The following KIAA2012 variants were observed in gnomAD, a reference collection of about 807,000 sequenced individuals.
KIAA2012 encodes KIAA2012, also known as uncharacterized protein KIAA2012.
A neutral mutation model predicts 150.6 loss-of-function variants in KIAA2012; 125 were observed. That is an observed-to-expected ratio of 0.83 (90% confidence interval 0.72 to 0.96). The LOEUF (loss-of-function observed/expected upper bound fraction) is 0.96. Among genes scored for constraint, KIAA2012 ranks in the 40% least tolerant of loss-of-function variants. The pLI is 0.00. For synonymous variants in KIAA2012, 462 were observed against 504.7 expected, an observed-to-expected ratio of 0.92 and a Z score of 1.13; for missense variants, 1,219 against 1,354.9, an observed-to-expected ratio of 0.90 and a Z score of 1.57.
intron 11 of KIAA2012, chr2:202,116,030 A>C (rs956282719): frequency 2.0e-5 from 3 of 152,212 alleles, no homozygotes; most frequent in Non-Finnish European, 2.9e-5. Context: ...TTAGAAGGAT[A>C]CATGTCAAAC....
intron 3 of KIAA2012, 48 bp downstream of exon 3, chr2:202,090,977 C>A: frequency 6.6e-7 from 1 of 1,504,120 alleles, no homozygotes; most frequent in Non-Finnish European, 8.9e-7. Context: ...GCCCCACCTC[C>A]CATTCTGGTG....
intron 21 of KIAA2012, among the ~76,000 whole-genome samples, chr2:202,194,814 G>C (rs1225555177): frequency 6.6e-6 from 1 of 152,056 alleles, no homozygotes; most frequent in East Asian, 1.9e-4. Context: ...TATTGCCTGG[G>C]CTGGAGTGCA....
intron 18 of KIAA2012, among the ~76,000 whole-genome samples, chr2:202,189,062 T>C (rs1241073123): frequency 6.6e-6 from 1 of 152,180 alleles, no homozygotes; most frequent in East Asian, 1.9e-4. Flanking sequence ...AATTTACATT[T>C]TTGTAGCCCA....
chr2:202,130,642 C>G (rs1690909235), intron 12 of KIAA2012, among the ~76,000 whole-genome samples: 1 of 152,196 alleles, frequency 6.6e-6, no homozygotes, highest in South Asian at 2.1e-4. Context: ...TAAGGCCAGT[C>G]GCAGTGACTC....
chr2:202,155,984 T>C (rs1691517874), intron 14 of KIAA2012, among the ~76,000 whole-genome samples: 1 of 152,106 alleles, frequency 6.6e-6, no homozygotes, highest in Non-Finnish European at 1.5e-5. Flanking sequence ...TGAAATGCCA[T>C]TGGCCCACCC....
At chr2:202,086,588 G>A (rs991115546) in intron 2 of KIAA2012, among the ~76,000 whole-genome samples, 10 of 152,194 alleles carry the variant, frequency 6.6e-5, no homozygotes, top group Non-Finnish European at 1.3e-4. Context: ...TTTCTAGGCT[G>A]TTTTTGCACT....
intron 13 of KIAA2012, among the ~76,000 whole-genome samples, chr2:202,143,490 G>GA (rs199735369): frequency 0.02 from 2,920 of 148,940 alleles, 93 homozygotes; most frequent in African/African-American, 0.067. Flanking sequence ...AATAATGCAT[G>GA]AAAAAAGTGC....
chr2:202,194,709 CTGATGTG>C (rs1347095958), intron 21 of KIAA2012, among the ~76,000 whole-genome samples: 1 of 152,130 alleles, frequency 6.6e-6, no homozygotes, highest in African/African-American at 2.4e-5. Flanking sequence ...CTTTCAGGTG[CTGATGTG>C]TGGAATCTTG....
intron 21 of KIAA2012, among the ~76,000 whole-genome samples, chr2:202,195,599 G>A (rs1291962065): frequency 1.3e-5 from 2 of 151,816 alleles, no homozygotes; most frequent in Non-Finnish European, 2.9e-5. Flanking sequence ...GTTGCCTACA[G>A]TGCTATAGAA....
In KIAA2012 at chr2:202,112,973, C is replaced by G. The variant is rs1690411366; in HGVS notation, c.1652-363C>G. 2.0e-5 allele frequency among the ~76,000 whole-genome samples: 3 copies of G among 152,080 alleles called. No homozygotes were observed. The South Asian group carries it at 6.2e-4, about 32-fold the overall frequency. ...ACAGCAGAGGCAGGAAGCAGGAAGC[C>G]CTGTTCTCAGGGGCTGGGCTGCATA... On this transcript the variant is annotated intron_variant, in intron 10 of 23. Coordinates refer to ENST00000498697, the MANE Select transcript of KIAA2012 (RefSeq NM_001277372.4).
At chr2:202,092,066 C>T (rs1211158059) in intron 3 of KIAA2012, among the ~76,000 whole-genome samples, 2 of 152,194 alleles carry the variant, frequency 1.3e-5, no homozygotes, top group African/African-American at 2.4e-5. Context: ...GGCCATTCTC[C>T]TATAGCCTAG....
chr2:202,193,402 G>A lies in KIAA2012; in HGVS notation c.2913G>A (p.Glu971=). Residue 971 remains glutamate (E), a synonymous_variant, in exon 20 of 24, where the codon GAG becomes GAA. Transcript: ENST00000498697. ...RWLEVEKKRR[E]QEEQRQLQQE... is the part of the protein sequence containing the mutation. ...TGGAGGTGGAGAAGAAGAGAAGGGA[G>A]CAGGAAGAGCAAAGGCAGCTCCAGC... The A allele has an allele frequency of 1.3e-6, 2 of 1,550,384 alleles. No homozygotes were observed. The highest frequency in any genetic ancestry group is 1.7e-6 in the Non-Finnish European group (2 of 1,146,840).
chr2:202,140,200 C>A (rs976494104), intron 13 of KIAA2012, among the ~76,000 whole-genome samples: 2 of 152,134 alleles, frequency 1.3e-5, no homozygotes, highest in Non-Finnish European at 2.9e-5. Context: ...TGCACTCCAG[C>A]CTGGGCAACA....
intron 13 of KIAA2012, among the ~76,000 whole-genome samples, chr2:202,142,870 G>A (rs750612671): frequency 1.5e-4 from 22 of 151,700 alleles, no homozygotes; most frequent in Admixed American, 4.0e-4. Context: ...TAATACTAAT[G>A]TTTAACTAAC....
rs200537175 is a variant in KIAA2012 at position 202,109,640 on chromosome 2, C to T, written c.1502C>T (p.Ala501Val). The change falls in exon 10 of 24, where the codon GCC (alanine) becomes GTC (valine). Residue 501 changes from alanine to valine, a missense_variant. Transcript: ENST00000498697. Reference sequence around the variant, plus strand: ...GATGATGCCCCACCTCACGATGTGGCCCCACCATTGGATCTTCTACCCCCG... The same window carrying T: ...GATGATGCCCCACCTCACGATGTGGTCCCACCATTGGATCTTCTACCCCCG... ...QDDDAPPHDV[A>V]PPLDLLPPIK... is the part of the protein sequence containing the mutation. 2,697 of 1,545,458 alleles carry T rather than the reference C, an allele frequency of 1.7e-3. 14 individuals carry two copies. Among genetic ancestry groups the T allele is most frequent in the Non-Finnish European group, 2.0e-3 (2,331 of 1,145,316 alleles).
At chr2:202,193,591 G>A in intron 20 of KIAA2012, 88 bp downstream of exon 20, 3 of 1,332,618 alleles carry the variant, frequency 2.3e-6, no homozygotes, top group Non-Finnish European at 3.1e-6. Context: ...GCAATGTTTG[G>A]TTCTGAGGCT....
At chr2:202,169,563 A>G (rs1232405774) in intron 15 of KIAA2012, among the ~76,000 whole-genome samples, 2 of 152,200 alleles carry the variant, frequency 1.3e-5, no homozygotes, top group Non-Finnish European at 2.9e-5. Flanking sequence ...CATTAACCTG[A>G]TAAGGCTGGT....
At chr2:202,133,224 A>G (rs906675430) in intron 12 of KIAA2012, among the ~76,000 whole-genome samples, 6 of 145,098 alleles carry the variant, frequency 4.1e-5, no homozygotes, top group Admixed American at 2.8e-4. Flanking sequence ...TTTCTGAATT[A>G]CTTTCCTCCA....
intron 9 of KIAA2012, among the ~76,000 whole-genome samples, chr2:202,107,676 G>T (rs1690233343): frequency 6.6e-6 from 1 of 152,190 alleles, no homozygotes; most frequent in Middle Eastern, 3.4e-3. Flanking sequence ...TTATGCATGC[G>T]ACTGAACCTG....
Sources: gnomAD v4.1 joint callset for allele counts (sites outside exome capture counted in the v4.1 genomes callset) on GRCh38, gnomAD v4.1.1 for gene constraint, MANE v1.5 for transcripts, NCBI Gene and HGNC (gene_info 2026-07-23, HGNC 2026-07-21) for gene names.